ANGPT1: variants seen among roughly 807,000 people sequenced by gnomAD.
ANGPT1 encodes the protein angiopoietin 1.
ANGPT1 carries 17 observed loss-of-function variants against 62.2 expected under a neutral mutation model. The ratio of observed to expected loss-of-function variants is 0.27; its 90% CI spans 0.19 to 0.41. The LOEUF (loss-of-function observed/expected upper bound fraction) is 0.41. Among genes scored for constraint, ANGPT1 ranks in the 10% least tolerant of loss-of-function variants. The pLI is 1.00. For missense variants in ANGPT1, 478 were observed against 594.9 expected, an observed-to-expected ratio of 0.80 and a Z score of 2.04; for synonymous variants, 199 against 198.9, an observed-to-expected ratio of 1.00 and a Z score of 0.00.
rs531494233 is a variant in ANGPT1 at position 107,382,972 on chromosome 8, T to A, written c.298-35875A>T. Among the ~76,000 whole-genome samples, 2 of 152,334 alleles carry A rather than the reference T, an allele frequency of 1.3e-5. 1 individual carries two copies. Among genetic ancestry groups the A allele is most frequent in the Non-Finnish European group, 2.9e-5 (2 of 68,032 alleles). On this transcript the variant is annotated intron_variant, in intron 1 of 8. Coordinates refer to ENST00000517746, the MANE Select transcript of ANGPT1 (RefSeq NM_001146.5). ...AATAGATGTAACCAAGCTAATACAT[T>A]GAAGCAGGCACTGGTATTTGCTGAA... is the stretch of plus-strand genomic sequence containing the variant.
intron 1 of ANGPT1, among the ~76,000 whole-genome samples, chr8:107,484,991 T>C (rs1812778782): frequency 6.6e-6 from 1 of 152,072 alleles, no homozygotes; most frequent in Non-Finnish European, 1.5e-5. Context: ...ATGGAGACAA[T>C]GAAGTGAGAA....
At chr8:107,333,474 G>A (rs1436917366) in intron 3 of ANGPT1, among the ~76,000 whole-genome samples, 2 of 152,150 alleles carry the variant, frequency 1.3e-5, no homozygotes, top group Admixed American at 1.3e-4. Flanking sequence ...TGAATTTGTA[G>A]TGAAATACCT....
At chr8:107,325,982 T>A (rs1360503671) in intron 3 of ANGPT1, among the ~76,000 whole-genome samples, 1 of 152,138 alleles carries the variant, frequency 6.6e-6, no homozygotes, top group Non-Finnish European at 1.5e-5. Context: ...GTGGAAAAGA[T>A]CTGCTTTTCT....
At chr8:107,426,876 A>G (rs962189531) in intron 1 of ANGPT1, among the ~76,000 whole-genome samples, 6 of 152,226 alleles carry the variant, frequency 3.9e-5, no homozygotes, top group Non-Finnish European at 5.9e-5. Flanking sequence ...TATAGGACCT[A>G]TGTCACCAAA....
At chr8:107,320,331 C>T (rs1249897206) in intron 4 of ANGPT1, among the ~76,000 whole-genome samples, 3 of 152,066 alleles carry the variant, frequency 2.0e-5, no homozygotes, top group Non-Finnish European at 2.9e-5. Flanking sequence ...ATGATAAGTA[C>T]GCAGACATAT....
At chr8:107,284,884 G>C in intron 6 of ANGPT1, 36 bp from the exon 7 acceptor site, 1 of 1,424,526 alleles carries the variant, frequency 7.0e-7, no homozygotes. Context: ...TGTTACTTTA[G>C]AGAGGAATTC....
intron 1 of ANGPT1, among the ~76,000 whole-genome samples, chr8:107,479,414 A>C (rs1024274221): frequency 2.0e-5 from 3 of 152,208 alleles, no homozygotes; most frequent in African/African-American, 7.2e-5. Flanking sequence ...TGTAATAAGC[A>C]AAGCACCTCA....
intron 2 of ANGPT1, among the ~76,000 whole-genome samples, chr8:107,341,731 T>C (rs182006602): frequency 1.3e-5 from 2 of 151,828 alleles, no homozygotes; most frequent in African/African-American, 4.8e-5. Context: ...ATAAGACTTA[T>C]ATTACAGACA....
At chr8:107,482,729 T>C (rs1185653736) in intron 1 of ANGPT1, among the ~76,000 whole-genome samples, 1 of 152,220 alleles carries the variant, frequency 6.6e-6, no homozygotes, top group African/African-American at 2.4e-5. Flanking sequence ...CTGTATGTCT[T>C]TACATAGCTT....
intron 3 of ANGPT1, among the ~76,000 whole-genome samples, chr8:107,334,533 G>GTT (rs150985942): frequency 5.4e-5 from 8 of 149,364 alleles, no homozygotes; most frequent in African/African-American, 1.7e-4. Context: ...TTTCCTGTGT[G>GTT]TTTTTTTTTG....
rs1586211078 is a variant in ANGPT1, at chr8:107,310,888, C to T, written c.809-7521G>A. The stretch of plus-strand genomic sequence containing the variant: ...TTCAAAGACAGAGAGGATAGGCTGG[C>T]GGGGTAGTGAGAGTGGGAATATGTG... On this transcript the variant is annotated intron_variant, in intron 4 of 8. Transcript: ENST00000517746. Among the ~76,000 whole-genome samples, 3 of 151,602 alleles carry T rather than the reference C, an allele frequency of 2.0e-5. No homozygotes were observed. The South Asian group carries it at 6.3e-4, about 32-fold the overall frequency.
chr8:107,442,026 G>A (rs1282476647), intron 1 of ANGPT1, among the ~76,000 whole-genome samples: 2 of 152,240 alleles, frequency 1.3e-5, no homozygotes, highest in African/African-American at 4.8e-5. Context: ...GGAGGTTGCA[G>A]TGAGCCAAGA....
intron 2 of ANGPT1, 95 bp from the exon 3 acceptor site, chr8:107,336,366 AT>A: frequency 2.0e-6 from 3 of 1,470,830 alleles, no homozygotes; most frequent in Non-Finnish European, 2.7e-6. Flanking sequence ...TTCAAGAATA[AT>A]TTAACAAATG....
At chr8:107,319,061 G>A (rs1175890076) in intron 4 of ANGPT1, among the ~76,000 whole-genome samples, 3 of 152,178 alleles carry the variant, frequency 2.0e-5, no homozygotes, top group Non-Finnish European at 2.9e-5. Flanking sequence ...AGCACATAAT[G>A]AATGTACTTA....
chr8:107,337,010 A>G (rs1263325150), intron 2 of ANGPT1, among the ~76,000 whole-genome samples: 1 of 152,216 alleles, frequency 6.6e-6, no homozygotes, highest in African/African-American at 2.4e-5. Context: ...GACATAGTTT[A>G]GAAAGACTCA....
intron 1 of ANGPT1, among the ~76,000 whole-genome samples, chr8:107,410,791 A>G (rs1817252697): frequency 6.6e-6 from 1 of 152,326 alleles, no homozygotes; most frequent in South Asian, 2.1e-4. Flanking sequence ...ACCCATTAAC[A>G]AAGTGAAATC....
Position 107,321,878 on chromosome 8 carries a change from TGAG to T in ANGPT1, c.808+15_808+17del. On this transcript the variant is annotated intron_variant, in intron 4 of 8. Transcript: ENST00000517746. ...AAATAAAATATTAACAATACCAAAG[TGAG>T]GAAGACATTCTTACCACCTTCTTTA... is the stretch of plus-strand genomic sequence containing the variant. The T allele has an allele frequency of 6.2e-7, 1 of 1,601,324 alleles. No homozygotes were observed. The highest frequency in any genetic ancestry group is 8.6e-7 in the Non-Finnish European group (1 of 1,168,868).
chr8:107,302,194 T>A (rs958910774), intron 5 of ANGPT1, among the ~76,000 whole-genome samples: 3 of 151,848 alleles, frequency 2.0e-5, no homozygotes, highest in African/African-American at 7.3e-5. Context: ...GAGAAAGTCA[T>A]GTAAAGTTGC....
At chr8:107,256,821 G>GT (rs1222357534) in intron 8 of ANGPT1, among the ~76,000 whole-genome samples, 6 of 151,874 alleles carry the variant, frequency 4.0e-5, no homozygotes, top group Admixed American at 3.3e-4. Context: ...TGTCTCAAAT[G>GT]TTTTTTTGTT....
Sources: allele counts gnomAD v4.1 joint callset (sites outside exome capture counted in the v4.1 genomes callset), GRCh38; gene constraint gnomAD v4.1.1; transcripts MANE v1.5; gene names NCBI Gene and HGNC (gene_info 2026-07-23, HGNC 2026-07-21).